The following DOCK2 variants were observed in gnomAD, a reference collection of about 807,000 sequenced individuals.
DOCK2 encodes dedicator of cytokinesis protein 2.
A neutral mutation model predicts 248.9 loss-of-function variants in DOCK2; 87 were observed. That is an observed-to-expected ratio of 0.35 (90% CI 0.29 to 0.42). The LOEUF (loss-of-function observed/expected upper bound fraction) is 0.42. Ranked by LOEUF, DOCK2 falls within the 10% of genes least tolerant of loss-of-function variation. DOCK2 has a pLI of 1.00. For missense variants in DOCK2, 1,747 were observed against 2,300.2 expected (o/e 0.76, Z 4.92); for synonymous variants, 805 against 821.6 (o/e 0.98, Z 0.35).
intron 27 of DOCK2, among the ~76,000 whole-genome samples, chr5:169,925,579 T>TAAAA (rs34833916): frequency 1.2e-4 from 10 of 80,282 alleles, no homozygotes; most frequent in South Asian, 4.4e-4. Flanking sequence ...GACTCTGTCT[T>TAAAA]AAAAAAAAAA....
At chr5:169,821,050 G>A (rs1456510292) in intron 26 of DOCK2, among the ~76,000 whole-genome samples, 5 of 152,134 alleles carry the variant, frequency 3.3e-5, no homozygotes, top group African/African-American at 9.7e-5. Flanking sequence ...GAAATGAAGC[G>A]AGCAGAGAAG....
chr5:169,826,046 G>A (rs1385595075), intron 26 of DOCK2, among the ~76,000 whole-genome samples: 2 of 151,996 alleles, frequency 1.3e-5, no homozygotes, highest in Non-Finnish European at 1.5e-5. Flanking sequence ...ATGTAAAGTA[G>A]TTTAGACAAT....
intron 27 of DOCK2, among the ~76,000 whole-genome samples, chr5:169,899,505 C>G (rs1174628292): frequency 6.6e-6 from 1 of 152,158 alleles, no homozygotes; most frequent in Non-Finnish European, 1.5e-5. Flanking sequence ...TCTTGCTTGC[C>G]TCAAATGGAC....
At chr5:169,703,075 G>A (rs1023942622) in intron 14 of DOCK2, among the ~76,000 whole-genome samples, 1 of 152,210 alleles carries the variant, frequency 6.6e-6, no homozygotes, top group African/African-American at 2.4e-5. Flanking sequence ...GGTTGTCAGT[G>A]CTGTGTCCAG....
intron 44 of DOCK2, among the ~76,000 whole-genome samples, chr5:170,058,176 C>T (rs1004929961): frequency 1.1e-4 from 16 of 152,306 alleles, no homozygotes; most frequent in African/African-American, 3.1e-4. Flanking sequence ...AGGGTCTCCA[C>T]GTCCTCAGAC....
chr5:169,886,486 T>G (rs1328206067), intron 27 of DOCK2, among the ~76,000 whole-genome samples: 1 of 152,186 alleles, frequency 6.6e-6, no homozygotes, highest in African/African-American at 2.4e-5. Context: ...AGATAATAAT[T>G]AAGCCTGCCT....
intron 27 of DOCK2, among the ~76,000 whole-genome samples, chr5:169,842,945 G>A (rs1023772483): frequency 7.2e-5 from 11 of 152,032 alleles, no homozygotes; most frequent in African/African-American, 2.7e-4. Flanking sequence ...TCTTTACCAG[G>A]ACACTCCCCT....
At chr5:169,774,204 C>A (rs1765252754) in intron 25 of DOCK2, among the ~76,000 whole-genome samples, 1 of 152,152 alleles carries the variant, frequency 6.6e-6, no homozygotes, top group African/African-American at 2.4e-5. Context: ...AGATTCATTT[C>A]AGTTCAAGTA....
intron 22 of DOCK2, among the ~76,000 whole-genome samples, chr5:169,741,397 C>A (rs749876581): frequency 3.3e-5 from 5 of 152,176 alleles, no homozygotes; most frequent in Non-Finnish European, 7.4e-5. Flanking sequence ...CAGACAGACT[C>A]AGCCACTGGT....
chr5:169,705,450 G>C (rs1699735027), intron 14 of DOCK2, among the ~76,000 whole-genome samples: 1 of 152,122 alleles, frequency 6.6e-6, no homozygotes, highest in Non-Finnish European at 1.5e-5. Flanking sequence ...CATGACCCCT[G>C]GGGCCAGACA....
intron 26 of DOCK2, among the ~76,000 whole-genome samples, chr5:169,815,647 T>C (rs1233979928): frequency 1.3e-5 from 2 of 152,206 alleles, no homozygotes; most frequent in East Asian, 1.9e-4. Context: ...TTGCATTAAT[T>C]TTTTAAACAA....
chr5:169,809,866 A>G lies in DOCK2; in HGVS notation c.2703+6660A>G, dbSNP rs189551091. Among the ~76,000 whole-genome samples the G allele has an allele frequency of 8.5e-5, 13 of 152,074 alleles. No individual in the cohort carries two copies. The East Asian group carries it at 2.1e-3, about 25-fold the overall frequency. On this transcript the variant is annotated intron_variant, in intron 26 of 51. Transcript: ENST00000520908. ...TCTGCTCTTAGCCTAGCTAAATCCT[A>G]CCTTCCCCTCAGAAATCAGGTTAAA...
intron 10 of DOCK2, 114 bp from the exon 11 acceptor site, chr5:169,698,260 C>T (rs1760749460): frequency 9.6e-7 from 1 of 1,037,330 alleles, no homozygotes; most frequent in Non-Finnish European, 1.4e-6. Flanking sequence ...TTTAGGCCTT[C>T]CTGACCCCCA....
intron 27 of DOCK2, among the ~76,000 whole-genome samples, chr5:169,891,706 C>T (rs1043054106): frequency 5.3e-5 from 8 of 152,148 alleles, no homozygotes; most frequent in Non-Finnish European, 7.4e-5. Flanking sequence ...CAAAGTCAGC[C>T]GGGCACGGTG....
intron 25 of DOCK2, among the ~76,000 whole-genome samples, chr5:169,799,811 G>GTT (rs147707152): frequency 6.6e-6 from 1 of 151,390 alleles, no homozygotes; most frequent in Non-Finnish European, 1.5e-5. Flanking sequence ...CAACGAGTTG[G>GTT]TTTTTTTTTC....
intron 22 of DOCK2, among the ~76,000 whole-genome samples, chr5:169,720,758 A>AGT (rs139120876): frequency 0.032 from 4,929 of 152,192 alleles, 94 homozygotes; most frequent in African/African-American, 0.044. Context: ...CTGTCACTAG[A>AGT]GCAATGGCGC....
intron 27 of DOCK2, among the ~76,000 whole-genome samples, chr5:169,865,652 G>T (rs1771501831): frequency 6.6e-6 from 1 of 152,240 alleles, no homozygotes; most frequent in South Asian, 2.1e-4. Flanking sequence ...CATACCAGGG[G>T]TCTCAGAAGG....
At chr5:169,835,750 G>A (rs190421108) in intron 26 of DOCK2, among the ~76,000 whole-genome samples, 2 of 151,974 alleles carry the variant, frequency 1.3e-5, no homozygotes, top group Admixed American at 1.3e-4. Flanking sequence ...CGTTTGTTTG[G>A]GGGTTTGGAT....
At chr5:169,888,521 T>C (rs1456025320) in intron 27 of DOCK2, among the ~76,000 whole-genome samples, 1 of 152,204 alleles carries the variant, frequency 6.6e-6, no homozygotes, top group African/African-American at 2.4e-5. Flanking sequence ...GTCCATTCAG[T>C]AGATACAGAA....
Sources: gnomAD v4.1 joint callset for allele counts (sites outside exome capture counted in the v4.1 genomes callset) on GRCh38, gnomAD v4.1.1 for gene constraint, MANE v1.5 for transcripts, NCBI Gene and HGNC (gene_info 2026-07-23, HGNC 2026-07-21) for gene names.